The following PDE7B variants were observed in gnomAD, a reference collection of about 807,000 sequenced individuals.
PDE7B encodes phosphodiesterase 7B.
PDE7B carries 29 observed loss-of-function variants against 56.2 expected under a neutral mutation model. The observed-to-expected ratio is 0.52, with a 90% CI of 0.38 to 0.70. The LOEUF is 0.70. PDE7B is among the 30% of genes least tolerant of loss of function. PDE7B has a pLI of 0.00. For missense variants in PDE7B, 490 were observed against 565.0 expected, an observed-to-expected ratio of 0.87 and a Z score of 1.35; for synonymous variants, 197 against 196.9, an observed-to-expected ratio of 1.00 and a Z score of 0.00.
At chr6:136,104,372 A>C (rs1188314083) in intron 2 of PDE7B, among the ~76,000 whole-genome samples, 2 of 152,130 alleles carry the variant, frequency 1.3e-5, no homozygotes, top group Admixed American at 1.3e-4. Context: ...TAGTCAAAAT[A>C]ATTGTTTAGC....
At chr6:136,005,227 G>T (rs530067034) in intron 2 of PDE7B, among the ~76,000 whole-genome samples, 1 of 152,324 alleles carries the variant, frequency 6.6e-6, no homozygotes, top group South Asian at 2.1e-4. Flanking sequence ...AGACTTAAAT[G>T]TTAGACCTAA....
intron 1 of PDE7B, among the ~76,000 whole-genome samples, chr6:135,943,453 G>T (rs1774541249): frequency 6.6e-6 from 1 of 152,166 alleles, no homozygotes; most frequent in Non-Finnish European, 1.5e-5. Context: ...AGTAAAGATA[G>T]TCTATTTGGC....
chr6:135,973,139 C>T (rs974325517), intron 2 of PDE7B, among the ~76,000 whole-genome samples: 5 of 150,988 alleles, frequency 3.3e-5, no homozygotes, highest in Admixed American at 1.3e-4. Flanking sequence ...ATTTTCCCTT[C>T]CCCGTACACC....
chr6:136,129,343 G>C (rs1324532523), intron 3 of PDE7B, among the ~76,000 whole-genome samples: 1 of 152,192 alleles, frequency 6.6e-6, no homozygotes, highest in Non-Finnish European at 1.5e-5. Context: ...ATATACCAGA[G>C]AGAATGGAGA....
intron 1 of PDE7B, among the ~76,000 whole-genome samples, chr6:135,886,680 T>C (rs1775715321): frequency 6.6e-6 from 1 of 152,160 alleles, no homozygotes; most frequent in African/African-American, 2.4e-5. Flanking sequence ...TCCATCCAAG[T>C]TGCTGCAGAA....
At chr6:135,857,587 C>T (rs756206520) in intron 1 of PDE7B, among the ~76,000 whole-genome samples, 39 of 152,182 alleles carry the variant, frequency 2.6e-4, no homozygotes, top group Non-Finnish European at 3.7e-4. Flanking sequence ...AGGTACCAAA[C>T]GGTCAGTGTT....
intron 12 of PDE7B, among the ~76,000 whole-genome samples, chr6:136,188,555 G>A (rs1779176130): frequency 6.6e-6 from 1 of 152,128 alleles, no homozygotes; most frequent in Admixed American, 6.5e-5. Flanking sequence ...CCTGTGTTAA[G>A]CTCCAGCTGG....
intron 3 of PDE7B, among the ~76,000 whole-genome samples, chr6:136,128,244 G>A (rs183955335): frequency 1.3e-5 from 2 of 152,260 alleles, no homozygotes; most frequent in Non-Finnish European, 2.9e-5. Flanking sequence ...GTGATGCTTT[G>A]ACATCATTCC....
At position 135,916,196 on chromosome 6, in the gene PDE7B, C is replaced by T. The variant is rs9385748; in HGVS notation, c.22-31268C>T. On this transcript the variant is annotated intron_variant, in intron 1 of 12. Transcript: ENST00000308191. Reference sequence around the variant, plus strand: ...ATGCATAAGAGTTTCAGTTGCTCCACGTGCTGCCACAGTTTCTTCTGTTTT... The same window carrying T: ...ATGCATAAGAGTTTCAGTTGCTCCATGTGCTGCCACAGTTTCTTCTGTTTT... Among the ~76,000 whole-genome samples, 199 of 152,164 alleles carry T rather than the reference C, an allele frequency of 1.3e-3. 3 individuals are homozygous for T. The East Asian group carries it at 0.031, about 24-fold the overall frequency.
intron 1 of PDE7B, among the ~76,000 whole-genome samples, chr6:135,896,151 T>C (rs1264021712): frequency 6.6e-6 from 1 of 152,042 alleles, no homozygotes; most frequent in Non-Finnish European, 1.5e-5. Flanking sequence ...AAACAACAGG[T>C]ATATGAAAAC....
chr6:135,940,518 A>T (rs1583785159), intron 1 of PDE7B, among the ~76,000 whole-genome samples: 1 of 152,320 alleles, frequency 6.6e-6, no homozygotes, highest in East Asian at 1.9e-4. Flanking sequence ...ATTAATGGAG[A>T]TCCAAACTTC....
intron 2 of PDE7B, among the ~76,000 whole-genome samples, chr6:136,019,738 GT>G (rs1776037831): frequency 6.6e-6 from 1 of 152,156 alleles, no homozygotes; most frequent in Non-Finnish European, 1.5e-5. Flanking sequence ...TATTTTGTGT[GT>G]TTTATGTATC....
At chr6:136,081,808 ACTT>A (rs754653067) in intron 2 of PDE7B, among the ~76,000 whole-genome samples, 6 of 152,064 alleles carry the variant, frequency 3.9e-5, no homozygotes, top group South Asian at 2.1e-4. Flanking sequence ...CCACATTCAA[ACTT>A]CTTCATTAGT....
rs150778887 is a variant in PDE7B, at chr6:136,068,297, C to T, written c.83-40434C>T. 1.1e-4 allele frequency among the ~76,000 whole-genome samples: 17 copies of T among 151,964 alleles called. No individual in the cohort carries two copies. The East Asian group carries it at 3.1e-3, about 28-fold the overall frequency. ...GGAGAGTTGGGGCTGGGAGTGGGGG[C>T]GGCGTGCCAGGTCATTAGTGGATTC... On this transcript the variant is annotated intron_variant, in intron 2 of 12. Transcript: ENST00000308191.
intron 2 of PDE7B, among the ~76,000 whole-genome samples, chr6:135,973,457 G>C (rs569510428): frequency 6.6e-6 from 1 of 150,984 alleles, no homozygotes; most frequent in Non-Finnish European, 1.5e-5. Flanking sequence ...ATCTCTTCGA[G>C]GTCCTGACTT....
chr6:136,028,892 A>T (rs1776193269), intron 2 of PDE7B, among the ~76,000 whole-genome samples: 1 of 152,202 alleles, frequency 6.6e-6, no homozygotes, highest in Non-Finnish European at 1.5e-5. Context: ...GCACCTTTGG[A>T]AGGCCATTAT....
intron 1 of PDE7B, among the ~76,000 whole-genome samples, chr6:135,881,769 A>G (rs954794120): frequency 1.3e-5 from 2 of 152,216 alleles, no homozygotes; most frequent in East Asian, 1.9e-4. Flanking sequence ...TCTACATTAC[A>G]TGGGATTTTA....
At chr6:135,894,203 G>A (rs1190651260) in intron 1 of PDE7B, among the ~76,000 whole-genome samples, 1 of 152,074 alleles carries the variant, frequency 6.6e-6, no homozygotes, top group Non-Finnish European at 1.5e-5. Context: ...GTTTGGGAAG[G>A]CTTATTTATT....
intron 3 of PDE7B, among the ~76,000 whole-genome samples, chr6:136,143,615 A>C (rs1778364873): frequency 6.6e-6 from 1 of 152,070 alleles, no homozygotes; most frequent in African/African-American, 2.4e-5. Flanking sequence ...ATTTGACTCT[A>C]GGTGAAGAAA....
Sources: gnomAD v4.1 joint callset for allele counts (sites outside exome capture counted in the v4.1 genomes callset) on GRCh38, gnomAD v4.1.1 for gene constraint, MANE v1.5 for transcripts, NCBI Gene and HGNC (gene_info 2026-07-23, HGNC 2026-07-21) for gene names.